Variants in ATRX observed in about 807,000 individuals in gnomAD.
The protein encoded by ATRX is ATRX chromatin remodeler.
A neutral mutation model predicts 172.6 loss-of-function variants in ATRX; 12 were observed. The observed-to-expected ratio is 0.07, with a 90% CI of 0.04 to 0.11. The LOEUF (loss-of-function observed/expected upper bound fraction) is 0.11. Ranked by LOEUF, ATRX falls within the 10% of genes least tolerant of loss-of-function variation. ATRX has a pLI of 1.00. For synonymous variants in ATRX, 674 were observed against 594.7 expected (o/e 1.13, Z -1.94); for missense variants, 1,368 against 1,767.4 (o/e 0.77, Z 4.05).
chrX:77,585,320 T>C (rs1441307295), intron 27 of ATRX, among the ~76,000 whole-genome samples: 2 of 109,000 alleles, frequency 1.8e-5, no homozygotes, highest in Non-Finnish European at 1.9e-5. Flanking sequence ...ACTTATATAA[T>C]CCCAGCACTT....
rs200762828 is a variant in ATRX, at chrX:77,521,421, C to G, written c.7053G>C (p.Glu2351Asp). The G allele has an allele frequency of 8.3e-7, 1 of 1,207,267 alleles. No homozygotes were observed. The highest frequency in any genetic ancestry group is 3.0e-5 in the East Asian group (1 of 33,718). The change falls in exon 33 of 35, where the codon GAG (glutamate) becomes GAC (aspartate). Residue 2351 changes from glutamate (E) to aspartate (D), a missense_variant. Glu to Asp is a conservative substitution (Grantham distance 45). Coordinates refer to ENST00000373344, the MANE Select transcript of ATRX (RefSeq NM_000489.6). ...AGCTTACTACAGCTGAAATTATATC[C>G]TCAAGAGGTTGAATCCTCACTGCTG... ...SVTAVRIQPL[E>D]DIISAVWKEN...
chrX:77,640,255 C>G (rs193286762), intron 15 of ATRX, among the ~76,000 whole-genome samples: 2 of 111,039 alleles, frequency 1.8e-5, no homozygotes, highest in Admixed American at 9.6e-5. Context: ...GATCCACATC[C>G]CAAACCTGAG....
intron 2 of ATRX, chrX:77,699,004 C>A: frequency 6.5e-6 from 1 of 154,586 alleles, no homozygotes; most frequent in Non-Finnish European, 1.2e-5. Flanking sequence ...AAAATAAGAG[C>A]AAACTAAACC....
Position 77,651,125 on chromosome X carries a change from G to C in ATRX, c.4557+989C>G, listed in dbSNP as rs181620098. Reference sequence around the variant, plus strand: ...TCAGATACTCAGGAGGCTGAGACAGGAGAATCACTTGAACCCAGGAGGTGG... The same window carrying C: ...TCAGATACTCAGGAGGCTGAGACAGCAGAATCACTTGAACCCAGGAGGTGG... On this transcript the variant is annotated intron_variant, in intron 15 of 34. Transcript: ENST00000373344. 5.7e-4 allele frequency among the ~76,000 whole-genome samples: 57 copies of C among 99,367 alleles called. No homozygotes were observed. In the Admixed American group the frequency reaches 6.3e-3, roughly 11 times the overall value. The allele number at this position is 99,367 out of a possible 115,157, so 86.3% of individuals were successfully genotyped here.
intron 10 of ATRX, among the ~76,000 whole-genome samples, chrX:77,671,298 T>C (rs1414527227): frequency 9.7e-6 from 1 of 103,607 alleles, no homozygotes; most frequent in Middle Eastern, 4.7e-3. Flanking sequence ...TGAAATATTT[T>C]TTTTTAGTCG....
At chrX:77,513,915 G>C (rs782048980) in intron 34 of ATRX, among the ~76,000 whole-genome samples, 1 of 110,346 alleles carries the variant, frequency 9.1e-6, no homozygotes, top group East Asian at 2.9e-4. Context: ...AATATCTCAG[G>C]GTACAAAATC....
intron 30 of ATRX, among the ~76,000 whole-genome samples, chrX:77,532,325 T>C (rs1482257163): frequency 6.3e-5 from 7 of 110,650 alleles, no homozygotes; most frequent in Admixed American, 1.9e-4. Context: ...AGAGCCCAAA[T>C]AGCCAATGAA....
chrX:77,664,559 A>G lies in ATRX; in HGVS notation c.3943+86T>C, dbSNP rs1323456551. 8.7e-6 allele frequency: 10 copies of G among 1,151,483 alleles called. No individual in the cohort carries two copies. The African/African-American group carries it at 8.9e-5, about 10-fold the overall frequency. The allele number at this position is 1,151,483 out of a possible 1,213,427, so 94.9% of individuals were successfully genotyped here. ...AGCCACCACGCCGGGCCATATTAAGATATTTCTTGGTCAGATATTCTTCAA... is the reference window on the plus strand; with the variant it reads ...AGCCACCACGCCGGGCCATATTAAGGTATTTCTTGGTCAGATATTCTTCAA... On this transcript the variant is annotated intron_variant, in intron 11 of 34. Coordinates refer to ENST00000373344, the MANE Select transcript of ATRX (RefSeq NM_000489.6).
chrX:77,567,873 A>G (rs1410266756), intron 28 of ATRX, among the ~76,000 whole-genome samples: 4 of 111,277 alleles, frequency 3.6e-5, no homozygotes, highest in Non-Finnish European at 7.5e-5. Context: ...TGAACTAGAA[A>G]TCCACAACAG....
chrX:77,604,472 T>C (rs782326416), intron 22 of ATRX, among the ~76,000 whole-genome samples: 2 of 112,136 alleles, frequency 1.8e-5, no homozygotes, highest in Middle Eastern at 4.6e-3. Flanking sequence ...AGAATGGCTA[T>C]TATTAAAAAG....
At chrX:77,517,982 T>C (rs1220491043) in intron 34 of ATRX, among the ~76,000 whole-genome samples, 1 of 111,880 alleles carries the variant, frequency 8.9e-6, no homozygotes, top group Non-Finnish European at 1.9e-5. Flanking sequence ...TTTCATGATA[T>C]AAATCCTCAA....
intron 13 of ATRX, among the ~76,000 whole-genome samples, chrX:77,655,682 C>G (rs2069507535): frequency 9.3e-6 from 1 of 107,456 alleles, no homozygotes; most frequent in South Asian, 4.0e-4. Flanking sequence ...GTATAACATG[C>G]TGAATTGTAT....
intron 1 of ATRX, among the ~76,000 whole-genome samples, chrX:77,783,082 A>C (rs1557206279): frequency 9.0e-6 from 1 of 110,604 alleles, no homozygotes; most frequent in African/African-American, 3.3e-5. Context: ...AAAAATACAA[A>C]AATTAGCCAG....
chrX:77,624,959 A>G (rs981844481), intron 19 of ATRX, among the ~76,000 whole-genome samples: 5 of 111,774 alleles, frequency 4.5e-5, no homozygotes, highest in Non-Finnish European at 9.4e-5. Flanking sequence ...AAAAGAACAA[A>G]TCTGGAGGCA....
At chrX:77,679,161 A>G (rs1161549091) in intron 9 of ATRX, among the ~76,000 whole-genome samples, 1 of 111,152 alleles carries the variant, frequency 9.0e-6, no homozygotes, top group Non-Finnish European at 1.9e-5. Flanking sequence ...CAAGGCACTC[A>G]TATTCTATTC....
At chrX:77,726,371 G>T (rs782273152) in intron 1 of ATRX, among the ~76,000 whole-genome samples, 1 of 106,225 alleles carries the variant, frequency 9.4e-6, no homozygotes, top group East Asian at 3.0e-4. Flanking sequence ...ACTATCGCAA[G>T]GACAAAAAAC....
At chrX:77,633,101 C>T (rs1245841472) in intron 19 of ATRX, 106 bp downstream of exon 19, 23 of 856,493 alleles carry the variant, frequency 2.7e-5, no homozygotes, top group Non-Finnish European at 3.6e-5. Context: ...AGGATAACCA[C>T]AACAAAGACC....
chrX:77,551,342 C>T (rs2064503217), intron 30 of ATRX, among the ~76,000 whole-genome samples: 2 of 111,608 alleles, frequency 1.8e-5, no homozygotes, highest in Admixed American at 1.9e-4. Context: ...CTTTGACAAA[C>T]CTGACAAAAA....
At chrX:77,672,101 G>A (rs1557131147) in intron 10 of ATRX, among the ~76,000 whole-genome samples, 1 of 110,898 alleles carries the variant, frequency 9.0e-6, no homozygotes, top group South Asian at 3.8e-4. Context: ...AAAATTGCTA[G>A]ATATTTAAAA....
Sources: gnomAD v4.1 joint callset for allele counts (sites outside exome capture counted in the v4.1 genomes callset) on GRCh38, gnomAD v4.1.1 for gene constraint, MANE v1.5 for transcripts, NCBI Gene and HGNC (gene_info 2026-07-23, HGNC 2026-07-21) for gene names.